ST7: variants seen among roughly 807,000 people sequenced by gnomAD.
ST7 encodes the protein suppression of tumorigenicity 7, also known as suppressor of tumorigenicity 7 protein.
A neutral mutation model predicts 78.7 loss-of-function variants in ST7; 28 were observed. The ratio of observed to expected loss-of-function variants is 0.36; its 90% confidence interval spans 0.26 to 0.49. The LOEUF (loss-of-function observed/expected upper bound fraction) is 0.49. ST7 is among the 20% of genes least tolerant of loss of function. The pLI, the probability that ST7 is intolerant of heterozygous loss-of-function variation, is 0.99. For synonymous variants in ST7, 247 were observed against 249.6 expected (o/e 0.99, Z 0.10); for missense variants, 418 against 696.0 (o/e 0.60, Z 4.49).
At chr7:116,985,054 T>A (rs930445234) in intron 1 of ST7, among the ~76,000 whole-genome samples, 1 of 152,184 alleles carries the variant, frequency 6.6e-6, no homozygotes, top group Non-Finnish European at 1.5e-5. Flanking sequence ...CTCTCCTATA[T>A]AAAGTTACAT....
At chr7:117,212,462 A>C (rs1384187556) in intron 13 of ST7, among the ~76,000 whole-genome samples, 1 of 152,174 alleles carries the variant, frequency 6.6e-6, no homozygotes, top group Non-Finnish European at 1.5e-5. Context: ...AATTTACATC[A>C]CTACTTACAG....
chr7:117,091,301 G>A (rs1347708920), intron 1 of ST7, among the ~76,000 whole-genome samples: 4 of 152,192 alleles, frequency 2.6e-5, no homozygotes, highest in Admixed American at 2.6e-4. Flanking sequence ...ATGAGGAAAA[G>A]AAGTGCTCGT....
chr7:116,991,712 A>G (rs1165329858), intron 1 of ST7, among the ~76,000 whole-genome samples: 1 of 152,156 alleles, frequency 6.6e-6, no homozygotes, highest in Non-Finnish European at 1.5e-5. Context: ...AAAACCAATC[A>G]TGCCTTCCCA....
intron 15 of ST7, chr7:117,222,765 T>G (rs1044966958): frequency 6.4e-6 from 6 of 933,312 alleles, no homozygotes; most frequent in South Asian, 2.7e-5. Flanking sequence ...GAAAACAGTA[T>G]CAATTGTTTC....
intron 9 of ST7, among the ~76,000 whole-genome samples, chr7:117,154,965 A>G (rs892604135): frequency 9.9e-5 from 15 of 152,122 alleles, no homozygotes; most frequent in Admixed American, 2.6e-4. Flanking sequence ...AAAAGCAAGC[A>G]TCTATAGAAT....
At chr7:117,215,355 T>C (rs75099428) in intron 13 of ST7, among the ~76,000 whole-genome samples, 2,783 of 152,244 alleles carry the variant, frequency 0.018, 87 homozygotes, top group African/African-American at 0.064. Flanking sequence ...ATCACTTGCA[T>C]TTCTAATTAT....
chr7:117,012,755 T>C (rs1169526503), intron 1 of ST7, among the ~76,000 whole-genome samples: 1 of 152,188 alleles, frequency 6.6e-6, no homozygotes, highest in African/African-American at 2.4e-5. Flanking sequence ...AAAAACTTGC[T>C]TAATTAGGAT....
intron 12 of ST7, among the ~76,000 whole-genome samples, chr7:117,202,935 A>G (rs1038030362): frequency 6.6e-6 from 1 of 151,956 alleles, no homozygotes; most frequent in Non-Finnish European, 1.5e-5. Flanking sequence ...ATCTGCACAT[A>G]CTCAAGTCCC....
intron 3 of ST7, among the ~76,000 whole-genome samples, chr7:117,127,447 C>G (rs1673452642): frequency 6.6e-6 from 1 of 151,848 alleles, no homozygotes; most frequent in Non-Finnish European, 1.5e-5. Flanking sequence ...AATTTTAAAG[C>G]ACAACTTTGA....
intron 2 of ST7, among the ~76,000 whole-genome samples, chr7:117,114,804 A>G (rs1232616431): frequency 6.6e-6 from 1 of 152,324 alleles, no homozygotes; most frequent in South Asian, 2.1e-4. Flanking sequence ...GGCATCTTGA[A>G]CAAAGAGTCT....
chr7:117,153,320 A>C (rs1334652723), intron 9 of ST7, among the ~76,000 whole-genome samples: 1 of 152,194 alleles, frequency 6.6e-6, no homozygotes, highest in African/African-American at 2.4e-5. Flanking sequence ...TTTAGAAGAC[A>C]GTGGGATATA....
chr7:117,018,732 G>T (rs1584460860), intron 1 of ST7, among the ~76,000 whole-genome samples: 1 of 152,122 alleles, frequency 6.6e-6, no homozygotes, highest in East Asian at 1.9e-4. Flanking sequence ...ACCTTGTAGG[G>T]TTATTATGAA....
chr7:117,149,646 T>A (rs1249943070), intron 9 of ST7, among the ~76,000 whole-genome samples: 3 of 151,584 alleles, frequency 2.0e-5, no homozygotes, highest in Non-Finnish European at 4.4e-5. Context: ...CCATTGACAT[T>A]TTATTCTAAT....
intron 1 of ST7, among the ~76,000 whole-genome samples, chr7:117,095,560 C>A (rs766213950): frequency 8.5e-5 from 13 of 152,196 alleles, no homozygotes; most frequent in Non-Finnish European, 1.9e-4. Flanking sequence ...TTCCCTGAGG[C>A]TGCCTTTCAA....
chr7:117,115,168 A>C (rs891711746), intron 2 of ST7, among the ~76,000 whole-genome samples: 5 of 152,068 alleles, frequency 3.3e-5, no homozygotes, highest in African/African-American at 1.2e-4. Flanking sequence ...CCTTATTCCC[A>C]GAAGATATAC....
At chr7:117,122,637 G>A (rs1018166782) in intron 3 of ST7, among the ~76,000 whole-genome samples, 2 of 152,084 alleles carry the variant, frequency 1.3e-5, no homozygotes, top group Non-Finnish European at 2.9e-5. Context: ...TCATAACAGT[G>A]TTCAAATAGT....
chr7:117,018,138 T>C (rs1250640254), intron 1 of ST7, among the ~76,000 whole-genome samples: 7 of 152,322 alleles, frequency 4.6e-5, no homozygotes. Flanking sequence ...ATGTAGACCA[T>C]GGCCTCTGTT....
At chr7:117,227,626 C>G (rs1479057104) in intron 15 of ST7, among the ~76,000 whole-genome samples, 1 of 152,138 alleles carries the variant, frequency 6.6e-6, no homozygotes, top group Non-Finnish European at 1.5e-5. Flanking sequence ...TGGGTGAATG[C>G]AATCAGTAGA....
At chr7:117,132,820 T>C (rs1393400362) in intron 6 of ST7, among the ~76,000 whole-genome samples, 1 of 151,896 alleles carries the variant, frequency 6.6e-6, no homozygotes, top group Non-Finnish European at 1.5e-5. Context: ...CTTCTGTGTG[T>C]CATCCATATT....
Sources: gnomAD v4.1 joint callset for allele counts (sites outside exome capture counted in the v4.1 genomes callset) on GRCh38, gnomAD v4.1.1 for gene constraint, MANE v1.5 for transcripts, NCBI Gene and HGNC (gene_info 2026-07-23, HGNC 2026-07-21) for gene names.